Variants in RBMS2 observed in about 807,000 individuals in gnomAD.
The protein encoded by RBMS2 is RNA binding motif single stranded interacting protein 2, also known as RNA-binding motif, single-stranded-interacting protein 2.
RBMS2 carries 38 observed loss-of-function variants against 58.4 expected under a neutral mutation model. That is an observed-to-expected ratio of 0.65 (90% CI 0.50 to 0.85). The LOEUF (loss-of-function observed/expected upper bound fraction) is 0.85, where lower values mean the gene tolerates loss of function less well. Among genes scored for constraint, RBMS2 ranks in the 40% least tolerant of loss-of-function variants. The pLI is 0.00. For synonymous variants in RBMS2, 151 were observed against 180.7 expected, an observed-to-expected ratio of 0.84 and a Z score of 1.32; for missense variants, 367 against 503.7, an observed-to-expected ratio of 0.73 and a Z score of 2.60.
At chr12:56,553,826 G>GT (rs200492614) in intron 1 of RBMS2, among the ~76,000 whole-genome samples, 3,444 of 136,200 alleles carry the variant, frequency 0.025, 48 homozygotes, top group Middle Eastern at 0.044. Context: ...TAATTTCTTT[G>GT]TTTTTTTTTT....
In RBMS2 at chr12:56,565,377, T is replaced by C. The variant is rs186824039; in HGVS notation, c.233+2794T>C. Reference sequence around the variant, plus strand: ...CAACAGTTATTTTTTTAGTTTTTTTTCCCTGAACCTCTCTTAGAAGAAAGA... The same window carrying C: ...CAACAGTTATTTTTTTAGTTTTTTTCCCCTGAACCTCTCTTAGAAGAAAGA... On this transcript the variant is annotated intron_variant, in intron 2 of 13. Transcript: ENST00000262031. Among the ~76,000 whole-genome samples the C allele has an allele frequency of 1.1e-3, 167 of 152,310 alleles. 2 individuals are homozygous for C. The highest frequency in any genetic ancestry group is 3.4e-3 in the Middle Eastern group (1 of 294).
At chr12:56,546,333 A>ATTATAATACATTATAAATATAATGTATAT (rs1877188626) in intron 1 of RBMS2, among the ~76,000 whole-genome samples, 3 of 82,354 alleles carry the variant, frequency 3.6e-5, no homozygotes, top group South Asian at 5.9e-4. Flanking sequence ...ATAATAATAC[A>ATTATAATACATTATAAATATAATGTATAT]TTATAATACA....
intron 1 of RBMS2, among the ~76,000 whole-genome samples, chr12:56,523,698 T>G (rs1872157722): frequency 1.3e-5 from 2 of 152,122 alleles, no homozygotes; most frequent in African/African-American, 4.8e-5. Flanking sequence ...GGACAGAGGT[T>G]GCAATGAGCC....
At chr12:56,585,709 T>G (rs1295617264) in intron 9 of RBMS2, among the ~76,000 whole-genome samples, 1 of 152,236 alleles carries the variant, frequency 6.6e-6, no homozygotes, top group African/African-American at 2.4e-5. Context: ...ATACAAGTTT[T>G]TGTGTGGACA....
At chr12:56,542,014 G>T (rs770374021) in intron 1 of RBMS2, among the ~76,000 whole-genome samples, 1 of 151,700 alleles carries the variant, frequency 6.6e-6, no homozygotes, top group Admixed American at 6.6e-5. Flanking sequence ...TCTTGATTGG[G>T]TTCCATTTTC....
chr12:56,574,110 G>T (rs892325657), intron 5 of RBMS2, among the ~76,000 whole-genome samples: 1 of 152,152 alleles, frequency 6.6e-6, no homozygotes, highest in Non-Finnish European at 1.5e-5. Flanking sequence ...CAAAGTGCTA[G>T]GATTACAGGC....
At position 56,569,994 on chromosome 12, in the gene RBMS2, AGGGTACTAC is replaced by A. The variant is rs1882018719; in HGVS notation, c.384+5_384+13del. 1 of 1,604,918 alleles carries A rather than the reference AGGGTACTAC, an allele frequency of 6.2e-7. No homozygotes were observed. The highest frequency in any genetic ancestry group is 1.3e-5 in the African/African-American group (1 of 74,690). ...TGTACAGGCACAGATGGCAAAGGTA[AGGGTACTAC>A]CCCATGTCTGTTCCTCCAAGGGGTT... On this transcript the variant is annotated splice_donor_5th_base_variant and intron_variant, in intron 4 of 13. Transcript: ENST00000262031.
chr12:56,555,454 A>G (rs1166535391), intron 1 of RBMS2, among the ~76,000 whole-genome samples: 3 of 151,542 alleles, frequency 2.0e-5, no homozygotes, highest in Non-Finnish European at 4.4e-5. Flanking sequence ...AAAAAAAAAA[A>G]AAGGAAGAAG....
rs767670417 is a variant in RBMS2, at chr12:56,581,439, G to T, written c.663G>T (p.Gly221=). Residue 221 remains glycine, a synonymous_variant, in exon 7 of 14, where the codon GGG becomes GGT. Coordinates refer to ENST00000262031, the MANE Select transcript of RBMS2 (RefSeq NM_002898.4). Reference sequence around the variant, plus strand: ...TGCTTTGCAAATTTGCTGATGGCGGGCCAAAGAAACGACAGAACCAAGGAA... The same window carrying T: ...TGCTTTGCAAATTTGCTGATGGCGGTCCAAAGAAACGACAGAACCAAGGAA... ...DPLLCKFADG[G]PKKRQNQGKF... 6.2e-7 allele frequency: 1 copy of T among 1,614,206 alleles called. No homozygotes were observed. Among genetic ancestry groups the T allele is most frequent in the East Asian group, 2.2e-5 (1 of 44,886 alleles).
In RBMS2 at chr12:56,581,417, T is replaced by A. The variant is rs1883931496; in HGVS notation, c.641T>A (p.Leu214His). The A allele has an allele frequency of 3.7e-6, 6 of 1,614,212 alleles. No individual in the cohort carries two copies. In the East Asian group the frequency reaches 1.3e-4, roughly 36 times the overall value. ...PGVPAPSDPL[L>H]CKFADGGPKK... ...TCGGCAGCCCCATCCGATCCCTTGCTTTGCAAATTTGCTGATGGCGGGCCA... is the reference window on the plus strand; with the variant it reads ...TCGGCAGCCCCATCCGATCCCTTGCATTGCAAATTTGCTGATGGCGGGCCA... Residue 214 changes from leucine (L) to histidine (H), a missense_variant, in exon 7 of 14, where the codon CTT becomes CAT. This residue lies in a region of RBMS2 where 220 missense variants were observed against 261.1 expected (regional missense o/e 0.84). Transcript: ENST00000262031.
At chr12:56,521,016 C>T (rs1871665882), upstream of RBMS2, among the ~76,000 whole-genome samples, 1 of 152,192 alleles carries the variant, frequency 6.6e-6, no homozygotes, top group African/African-American at 2.4e-5. Context: ...GGGCATCAGC[C>T]CATTGGTATG....
intron 2 of RBMS2, 53 bp downstream of exon 2, chr12:56,562,636 T>A (rs1191105406): frequency 1.3e-6 from 2 of 1,545,322 alleles, no homozygotes; most frequent in Non-Finnish European, 1.8e-6. Context: ...GATTTGGTTT[T>A]GAGACAGGGT....
intron 11 of RBMS2, among the ~76,000 whole-genome samples, chr12:56,587,911 C>T (rs74095008): frequency 0.01 from 1,530 of 152,254 alleles, 26 homozygotes; most frequent in African/African-American, 0.034. Flanking sequence ...CTTCTGTCTG[C>T]ATATTAGTTT....
At chr12:56,522,611 C>G (rs975422779) in intron 1 of RBMS2, among the ~76,000 whole-genome samples, 1 of 152,166 alleles carries the variant, frequency 6.6e-6, no homozygotes, top group Non-Finnish European at 1.5e-5. Context: ...GATCCTACCC[C>G]ACCCAGCCTA....
chr12:56,558,074 T>G (rs1019820083), intron 1 of RBMS2, among the ~76,000 whole-genome samples: 2 of 107,070 alleles, frequency 1.9e-5, no homozygotes, highest in Non-Finnish European at 3.8e-5. Context: ...AGACGGAGTC[T>G]TGCTCTGTCG....
chr12:56,536,052 T>C (rs7303717), intron 1 of RBMS2, among the ~76,000 whole-genome samples: 67,847 of 151,112 alleles, frequency 0.45, 16,011 homozygotes, highest in East Asian at 0.6. Context: ...AATACAAAAA[T>C]TAGCTGGGCG....
intron 8 of RBMS2, 37 bp from the exon 9 acceptor site, chr12:56,582,022 C>T (rs1884027570): frequency 1.3e-6 from 2 of 1,573,330 alleles, no homozygotes; most frequent in Non-Finnish European, 1.7e-6. Flanking sequence ...CTTGTGGTTT[C>T]CTGTGACTCA....
chr12:56,569,316 G>A (rs1183883907), intron 3 of RBMS2, among the ~76,000 whole-genome samples: 1 of 152,206 alleles, frequency 6.6e-6, no homozygotes, highest in Non-Finnish European at 1.5e-5. Flanking sequence ...TGGTAGAAGT[G>A]GGTAAGTGAG....
intron 1 of RBMS2, among the ~76,000 whole-genome samples, chr12:56,557,222 G>GT (rs1030766226): frequency 1.3e-5 from 2 of 152,068 alleles, no homozygotes; most frequent in African/African-American, 2.4e-5. Flanking sequence ...GTGCTCATAC[G>GT]TATTACCCTT....
Sources: allele counts gnomAD v4.1 joint callset (sites outside exome capture counted in the v4.1 genomes callset), GRCh38; gene constraint gnomAD v4.1.1; regional missense constraint gnomAD v4.1.1; transcripts MANE v1.5; gene names NCBI Gene and HGNC (gene_info 2026-07-23, HGNC 2026-07-21).